Variants in ITGAE observed in about 807,000 individuals in gnomAD.
ITGAE encodes integrin subunit alpha E.
Under a neutral mutation model 136.5 loss-of-function variants are expected in ITGAE, and 99 were observed. The ratio of observed to expected loss-of-function variants is 0.73; its 90% CI spans 0.62 to 0.86. The LOEUF (loss-of-function observed/expected upper bound fraction) is 0.86, where lower values mean the gene tolerates loss of function less well. Ranked by LOEUF, ITGAE falls within the 40% of genes least tolerant of loss-of-function variation. The probability of loss-of-function intolerance (pLI) is 0.00; values close to 1 mark genes in which losing one functional copy is unlikely to be tolerated. For synonymous variants in ITGAE, 613 were observed against 591.8 expected, an observed-to-expected ratio of 1.04 and a Z score of -0.52; for missense variants, 1,447 against 1,515.3, an observed-to-expected ratio of 0.95 and a Z score of 0.75.
intron 20 of ITGAE, among the ~76,000 whole-genome samples, chr17:3,735,800 C>G (rs1416528529): frequency 6.6e-6 from 1 of 152,170 alleles, no homozygotes; most frequent in African/African-American, 2.4e-5. Context: ...CTCACACGCT[C>G]AACCCTCATA....
At chr17:3,720,437 C>CT in intron 28 of ITGAE, 35 bp from the exon 29 acceptor site, 1 of 964,166 alleles carries the variant, frequency 1.0e-6, no homozygotes, top group South Asian at 1.3e-5. Context: ...GGAAACAAAA[C>CT]ATATTTTAGA....
chr17:3,759,211 C>A (rs1427096679), intron 8 of ITGAE, among the ~76,000 whole-genome samples, 191 bp downstream of exon 8: 1 of 151,924 alleles, frequency 6.6e-6, no homozygotes, highest in Non-Finnish European at 1.5e-5. Context: ...CTGCATCTCA[C>A]AAGAGGAAGT....
At chr17:3,757,921 G>A (rs1221286182) in intron 8 of ITGAE, 62 bp from the exon 9 acceptor site, 6 of 1,573,280 alleles carry the variant, frequency 3.8e-6, no homozygotes, top group Non-Finnish European at 5.2e-6. Flanking sequence ...AGCTCCAGGA[G>A]AGACTTTATT....
chr17:3,753,084 T>C (rs921054629), intron 14 of ITGAE, among the ~76,000 whole-genome samples: 1 of 152,134 alleles, frequency 6.6e-6, no homozygotes, highest in African/African-American at 2.4e-5. Flanking sequence ...ATATTAGAGA[T>C]ATTATCATCA....
intron 16 of ITGAE, 115 bp downstream of exon 16, chr17:3,750,237 A>G (rs66703183): frequency 0.099 from 142,707 of 1,439,602 alleles, 7,870 homozygotes; most frequent in East Asian, 0.21. Context: ...GCCTGTGCCC[A>G]CAACCACGGT....
At chr17:3,766,242 C>T (rs985110984) in intron 2 of ITGAE, among the ~76,000 whole-genome samples, 7 of 152,082 alleles carry the variant, frequency 4.6e-5, no homozygotes, top group Admixed American at 3.9e-4. Flanking sequence ...TCCCAGAAGC[C>T]CCCAGGGCTG....
rs533436706 is a variant in ITGAE, at chr17:3,756,202, G to A, written c.1172-305C>T. On this transcript the variant is annotated intron_variant, in intron 10 of 30. Coordinates refer to ENST00000263087, the MANE Select transcript of ITGAE (RefSeq NM_002208.5). ...CTTCATGGAGATTCTGGGACGCAAG[G>A]AGGCCTGGGGATATTGTTGGCCTTT... Among the ~76,000 whole-genome samples, 3 of 148,418 alleles carry A rather than the reference G, an allele frequency of 2.0e-5. No individual in the cohort carries two copies. In the East Asian group the frequency reaches 5.8e-4, roughly 29 times the overall value.
At chr17:3,737,217 C>T (rs2051478468) in intron 20 of ITGAE, among the ~76,000 whole-genome samples, 2 of 152,110 alleles carry the variant, frequency 1.3e-5, no homozygotes, top group African/African-American at 2.4e-5. Context: ...CACTTGAAGC[C>T]GGGAGGCGGA....
At chr17:3,782,261 T>A (rs1192492720) in intron 1 of ITGAE, among the ~76,000 whole-genome samples, 1 of 101,176 alleles carries the variant, frequency 9.9e-6, no homozygotes, top group African/African-American at 4.2e-5. Context: ...GGTGAGAGAG[T>A]GAGACTCGGC....
chr17:3,719,235 C>CAAAAAAAAAAAAAA (rs746282209), intron 29 of ITGAE, among the ~76,000 whole-genome samples: 1 of 66,220 alleles, frequency 1.5e-5, no homozygotes, highest in African/African-American at 5.8e-5. Flanking sequence ...GATTCTTCCT[C>CAAAAAAAAAAAAAA]AAAAAAAAAA....
At chr17:3,715,331 A>T (rs978109450) in intron 30 of ITGAE, among the ~76,000 whole-genome samples, 1 of 152,214 alleles carries the variant, frequency 6.6e-6, no homozygotes, top group African/African-American at 2.4e-5. Flanking sequence ...ATCATCTAGT[A>T]GGAAAAAGAG....
chr17:3,733,882 A>G (rs2051401579), intron 21 of ITGAE, among the ~76,000 whole-genome samples: 1 of 152,172 alleles, frequency 6.6e-6, no homozygotes, highest in South Asian at 2.1e-4. Flanking sequence ...CAGCCTGTGA[A>G]TCAGACCCAG....
At chr17:3,757,281 AC>A in intron 9 of ITGAE, 147 bp from the exon 10 acceptor site, 2 of 1,069,760 alleles carry the variant, frequency 1.9e-6, no homozygotes, top group Non-Finnish European at 1.4e-6. Context: ...TCCCTGTTCT[AC>A]CCATACTCTG....
chr17:3,734,430 T>A (rs1201387316), intron 21 of ITGAE, among the ~76,000 whole-genome samples: 1 of 152,224 alleles, frequency 6.6e-6, no homozygotes, highest in African/African-American at 2.4e-5. Context: ...GTGATACTTG[T>A]CAGCCACAGG....
chr17:3,729,439 A>G (rs1567516169), intron 24 of ITGAE, 39 bp downstream of exon 24: 1 of 1,308,530 alleles, frequency 7.6e-7, no homozygotes, highest in South Asian at 1.2e-5. Context: ...CCCCTGGGCG[A>G]TGGAGTCACA....
chr17:3,762,125 G>A, intron 3 of ITGAE, 143 bp from the exon 4 acceptor site: 1 of 670,072 alleles, frequency 1.5e-6, no homozygotes, highest in Non-Finnish European at 2.6e-6. Flanking sequence ...TAGAAAGCTA[G>A]AGCGGGGGCC....
Position 3,723,367 on chromosome 17 carries a change from T to C in ITGAE, c.3158A>G (p.His1053Arg). ...TGAAGCGATGACACAGCTCACTGAA[T>C]GCCATTCTTCCACATGCTGGAAAAG... ...YSSVQHVEEW[H>R]SVSCVIASDK... The change falls in exon 28 of 31, where the codon CAT becomes CGT. Residue 1053 changes from histidine to arginine, a missense_variant. His to Arg is a conservative substitution (Grantham distance 29). Coordinates refer to ENST00000263087, the MANE Select transcript of ITGAE (RefSeq NM_002208.5). The C allele has an allele frequency of 6.2e-7, 1 of 1,613,394 alleles. No individual in the cohort carries two copies. Among genetic ancestry groups the C allele is most frequent in the Non-Finnish European group, 8.5e-7 (1 of 1,179,274 alleles).
At chr17:3,724,877 G>A in intron 26 of ITGAE, 2 of 1,613,972 alleles carry the variant, frequency 1.2e-6, no homozygotes, top group Non-Finnish European at 8.5e-7. Context: ...GAGAGCATCA[G>A]GAGGCCAGTG....
At chr17:3,763,739 A>T (rs974660836) in intron 3 of ITGAE, 130 bp downstream of exon 3, 1 of 740,174 alleles carries the variant, frequency 1.4e-6, no homozygotes, top group Non-Finnish European at 2.4e-6. Flanking sequence ...GCTGTGGGTT[A>T]TGCTGGAGTC....
Sources: gnomAD v4.1 joint callset for allele counts (sites outside exome capture counted in the v4.1 genomes callset) on GRCh38, gnomAD v4.1.1 for gene constraint, MANE v1.5 for transcripts, NCBI Gene and HGNC (gene_info 2026-07-23, HGNC 2026-07-21) for gene names.